Variants in ANKS1B observed in about 807,000 individuals in gnomAD.
ANKS1B encodes ankyrin repeat and sterile alpha motif domain-containing protein 1B.
Under a neutral mutation model 148.3 loss-of-function variants are expected in ANKS1B, and 36 were observed. That is an observed-to-expected ratio of 0.24 (90% confidence interval 0.19 to 0.32). The LOEUF (loss-of-function observed/expected upper bound fraction) is 0.32. ANKS1B is among the 10% of genes least tolerant of loss of function. The pLI is 1.00. For synonymous variants in ANKS1B, 542 were observed against 560.8 expected, an observed-to-expected ratio of 0.97 and a Z score of 0.47; for missense variants, 1,157 against 1,542.6, an observed-to-expected ratio of 0.75 and a Z score of 4.19.
intron 9 of ANKS1B, among the ~76,000 whole-genome samples, chr12:99,582,961 T>C (rs2097584943): frequency 6.6e-6 from 1 of 152,134 alleles, no homozygotes. Context: ...CTGTCCCCCT[T>C]TGGTGTACTT....
intron 10 of ANKS1B, among the ~76,000 whole-genome samples, chr12:99,469,401 T>C (rs1045383505): frequency 6.6e-6 from 1 of 151,970 alleles, no homozygotes; most frequent in Non-Finnish European, 1.5e-5. Context: ...GTAACTAATC[T>C]GCACATTGTG....
At chr12:99,936,048 C>T (rs539518877) in intron 1 of ANKS1B, among the ~76,000 whole-genome samples, 1 of 152,088 alleles carries the variant, frequency 6.6e-6, no homozygotes, top group Non-Finnish European at 1.5e-5. Flanking sequence ...ATAAAATGAT[C>T]AGATTTTGCG....
At chr12:99,610,667 C>A (rs1027817705) in intron 9 of ANKS1B, among the ~76,000 whole-genome samples, 4 of 152,026 alleles carry the variant, frequency 2.6e-5, no homozygotes, top group Non-Finnish European at 4.4e-5. Flanking sequence ...GTCCAAAGTA[C>A]TGAGAATGCC....
At chr12:98,866,040 G>A (rs1320237116) in intron 17 of ANKS1B, among the ~76,000 whole-genome samples, 1 of 152,044 alleles carries the variant, frequency 6.6e-6, no homozygotes, top group Non-Finnish European at 1.5e-5. Flanking sequence ...GGTTGTTGTT[G>A]TTCTTGTTAA....
intron 26 of ANKS1B, among the ~76,000 whole-genome samples, chr12:98,749,164 T>G (rs2097996552): frequency 6.6e-6 from 1 of 152,004 alleles, no homozygotes; most frequent in Non-Finnish European, 1.5e-5. Context: ...AGTGGCTCAA[T>G]CTCTGCTCGC....
chr12:99,109,839 A>G (rs2059943036), intron 15 of ANKS1B, among the ~76,000 whole-genome samples: 1 of 152,188 alleles, frequency 6.6e-6, no homozygotes, highest in Non-Finnish European at 1.5e-5. Context: ...TACAGTGGGG[A>G]AACAGTTTGA....
Position 99,771,192 on chromosome 12 carries a change from T to C in ANKS1B, c.1128+1730A>G, listed in dbSNP as rs577713638. Among the ~76,000 whole-genome samples, 11 of 152,248 alleles carry C rather than the reference T, an allele frequency of 7.2e-5. No individual in the cohort carries two copies. The South Asian group carries it at 2.3e-3, about 32-fold the overall frequency. Reference sequence around the variant, plus strand: ...CGAAAAATAATTAGAGCTTCTGTTTTACACTTATTCTCTACCTTCCTCAAT... The same window carrying C: ...CGAAAAATAATTAGAGCTTCTGTTTCACACTTATTCTCTACCTTCCTCAAT... On this transcript the variant is annotated intron_variant, in intron 8 of 26. Coordinates refer to ENST00000683438, the MANE Select transcript of ANKS1B (RefSeq NM_001352186.2).
At chr12:99,427,991 T>C (rs1362678077) in intron 11 of ANKS1B, among the ~76,000 whole-genome samples, 1 of 152,240 alleles carries the variant, frequency 6.6e-6, no homozygotes, top group Non-Finnish European at 1.5e-5. Flanking sequence ...AGAACATTTA[T>C]GGACTTTTAT....
intron 12 of ANKS1B, among the ~76,000 whole-genome samples, chr12:99,349,545 C>A (rs1401576140): frequency 6.6e-6 from 1 of 151,766 alleles, no homozygotes; most frequent in Non-Finnish European, 1.5e-5. Flanking sequence ...TAATATCATA[C>A]AAAATGTACT....
intron 1 of ANKS1B, among the ~76,000 whole-genome samples, chr12:99,920,651 A>T (rs2094324186): frequency 6.6e-6 from 1 of 152,080 alleles, no homozygotes; most frequent in African/African-American, 2.4e-5. Flanking sequence ...CGGTGGTGCG[A>T]TTCAGACCAA....
chr12:99,399,654 T>C lies in ANKS1B; in HGVS notation c.1733A>G (p.Lys578Arg). The C allele has an allele frequency of 1.2e-6, 2 of 1,613,342 alleles. No homozygotes were observed. Among genetic ancestry groups the C allele is most frequent in the Non-Finnish European group, 1.7e-6 (2 of 1,179,390 alleles). The change falls in exon 12 of 27, where the codon AAG becomes AGG. Residue 578 changes from lysine to arginine, a missense_variant. Lys to Arg is a conservative substitution (Grantham distance 26, BLOSUM62 2). This residue lies in a region of ANKS1B where 661 missense variants were observed against 642.1 expected (regional missense o/e 1.03). Transcript: ENST00000683438. ...PTSSVGTTEV[K>R]NEGTNHTDDL... ...ACCTGTATGGTTAGTTCCCTCATTC[T>C]TGACTTCTGTGGTTCCCACAGAAGA... is the stretch of plus-strand genomic sequence containing the variant.
At chr12:99,247,128 T>G (rs1477628729) in intron 12 of ANKS1B, among the ~76,000 whole-genome samples, 1 of 152,214 alleles carries the variant, frequency 6.6e-6, no homozygotes, top group Non-Finnish European at 1.5e-5. Flanking sequence ...GTGTATTAAT[T>G]GAATGACTTC....
chr12:99,455,090 T>G (rs2095823293), intron 10 of ANKS1B, among the ~76,000 whole-genome samples: 1 of 152,224 alleles, frequency 6.6e-6, no homozygotes, highest in Non-Finnish European at 1.5e-5. Context: ...TGCTTTCCCT[T>G]TTGTCTTAAC....
intron 12 of ANKS1B, among the ~76,000 whole-genome samples, chr12:99,382,717 AAG>A (rs35016409): frequency 0.28 from 31,328 of 112,772 alleles, 6,650 homozygotes; most frequent in East Asian, 0.53. Context: ...AAAAAAAAAA[AAG>A]AGAGAGAGAG....
chr12:99,225,678 G>T (rs1289435001), intron 14 of ANKS1B, among the ~76,000 whole-genome samples: 1 of 152,196 alleles, frequency 6.6e-6, no homozygotes, highest in African/African-American at 2.4e-5. Flanking sequence ...AATGCTTCCT[G>T]CCCTGAAACA....
intron 17 of ANKS1B, among the ~76,000 whole-genome samples, chr12:98,837,008 T>C (rs2099367833): frequency 6.6e-6 from 1 of 152,140 alleles, no homozygotes; most frequent in African/African-American, 2.4e-5. Context: ...CATAAGAATG[T>C]GGCTCCAACT....
chr12:99,962,580 G>A (rs2095428290), intron 1 of ANKS1B, among the ~76,000 whole-genome samples: 1 of 152,110 alleles, frequency 6.6e-6, no homozygotes, highest in Admixed American at 6.5e-5. Context: ...TGGTATTGCT[G>A]GGTCAAATGG....
intron 17 of ANKS1B, among the ~76,000 whole-genome samples, chr12:98,970,879 AG>A (rs2099882540): frequency 6.6e-6 from 1 of 152,166 alleles, no homozygotes; most frequent in Non-Finnish European, 1.5e-5. Context: ...CCACAGGTTG[AG>A]TTTGAAAAGG....
chr12:99,153,304 C>A (rs78177279), intron 15 of ANKS1B, among the ~76,000 whole-genome samples: 4,293 of 152,200 alleles, frequency 0.028, 201 homozygotes, highest in African/African-American at 0.097. Context: ...CTGCAGGTGT[C>A]AGCCCTATTA....
Sources: allele counts gnomAD v4.1 joint callset (sites outside exome capture counted in the v4.1 genomes callset), GRCh38; gene constraint gnomAD v4.1.1; regional missense constraint gnomAD v4.1.1; transcripts MANE v1.5; gene names NCBI Gene and HGNC (gene_info 2026-07-23, HGNC 2026-07-21).